The following KCNH8 variants were observed in gnomAD, a reference collection of about 807,000 sequenced individuals.
The protein encoded by KCNH8 is voltage-gated delayed rectifier potassium channel KCNH8.
In KCNH8, 70 loss-of-function variants were observed where a neutral mutation model predicts 103.6. The ratio of observed to expected loss-of-function variants is 0.68; its 90% CI spans 0.56 to 0.82. The LOEUF (loss-of-function observed/expected upper bound fraction) is 0.82. Among genes scored for constraint, KCNH8 ranks in the 40% least tolerant of loss-of-function variants. KCNH8 has a pLI of 0.00. For missense variants in KCNH8, 1,217 were observed against 1,329.9 expected (o/e 0.92, Z 1.32); for synonymous variants, 498 against 489.4 (o/e 1.02, Z -0.23).
intron 11 of KCNH8, among the ~76,000 whole-genome samples, chr3:19,471,251 C>T (rs1290895856): frequency 6.6e-6 from 1 of 152,184 alleles, no homozygotes; most frequent in East Asian, 1.9e-4. Context: ...CATATGCACA[C>T]ACATACCCAC....
intron 11 of KCNH8, among the ~76,000 whole-genome samples, chr3:19,503,866 C>T (rs2068639968): frequency 6.6e-6 from 1 of 151,912 alleles, no homozygotes; most frequent in South Asian, 2.1e-4. Context: ...CAGCATGGCA[C>T]ACGTATACAT....
chr3:19,224,325 A>G (rs2063906200), intron 1 of KCNH8, among the ~76,000 whole-genome samples: 1 of 152,132 alleles, frequency 6.6e-6, no homozygotes, highest in African/African-American at 2.4e-5. Context: ...TGAAAATGTA[A>G]TCTATTAAAA....
At chr3:19,339,117 C>T (rs1165506883) in intron 3 of KCNH8, among the ~76,000 whole-genome samples, 1 of 152,018 alleles carries the variant, frequency 6.6e-6, no homozygotes, top group Admixed American at 6.6e-5. Flanking sequence ...TAAATATTTT[C>T]ACAGAAAACT....
At chr3:19,176,139 C>T (rs980925600) in intron 1 of KCNH8, among the ~76,000 whole-genome samples, 4 of 152,080 alleles carry the variant, frequency 2.6e-5, no homozygotes, top group African/African-American at 7.2e-5. Flanking sequence ...GTTCACCTCT[C>T]GTCCTTTAAT....
At chr3:19,463,105 A>C (rs771814775) in intron 11 of KCNH8, among the ~76,000 whole-genome samples, 8 of 152,172 alleles carry the variant, frequency 5.3e-5, no homozygotes, top group Non-Finnish European at 1.0e-4. Flanking sequence ...TAAGTAATCT[A>C]GAGATGATTT....
intron 1 of KCNH8, among the ~76,000 whole-genome samples, chr3:19,158,755 T>C (rs2063205316): frequency 6.6e-6 from 1 of 151,980 alleles, no homozygotes. Flanking sequence ...ATTAATTTTT[T>C]TAACCAGCCA....
chr3:19,390,061 G>A (rs2066414113), intron 5 of KCNH8, among the ~76,000 whole-genome samples: 1 of 152,062 alleles, frequency 6.6e-6, no homozygotes, highest in South Asian at 2.1e-4. Context: ...ATGTACTGAG[G>A]ATTAAGTGAA....
intron 11 of KCNH8, among the ~76,000 whole-genome samples, chr3:19,483,019 A>AT (rs2068120462): frequency 6.7e-6 from 1 of 150,280 alleles, no homozygotes; most frequent in Non-Finnish European, 1.5e-5. Flanking sequence ...ATATTGTATG[A>AT]TTTTTTTTCA....
chr3:19,419,064 T>TA (rs2066905094), intron 7 of KCNH8, among the ~76,000 whole-genome samples: 1 of 152,184 alleles, frequency 6.6e-6, no homozygotes, highest in Non-Finnish European at 1.5e-5. Context: ...TTATCTAAAC[T>TA]AGTTACACAT....
In KCNH8 at chr3:19,321,077, T is replaced by C. The variant is rs372277281; in HGVS notation, c.443-21510T>C. 2.6e-5 allele frequency among the ~76,000 whole-genome samples: 4 copies of C among 152,138 alleles called. No individual in the cohort carries two copies. In the South Asian group the frequency reaches 6.2e-4, roughly 24 times the overall value. Reference sequence around the variant, plus strand: ...GAGCTTATTTGGATCTTCTCTCTTCTTTTTGGCTTAATCTTGCTGATGGTC... The same window carrying C: ...GAGCTTATTTGGATCTTCTCTCTTCCTTTTGGCTTAATCTTGCTGATGGTC... On this transcript the variant is annotated intron_variant, in intron 3 of 15. Coordinates refer to ENST00000328405, the MANE Select transcript of KCNH8 (RefSeq NM_144633.3).
At chr3:19,449,224 G>A (rs2067406867) in intron 8 of KCNH8, among the ~76,000 whole-genome samples, 1 of 151,400 alleles carries the variant, frequency 6.6e-6, no homozygotes, top group African/African-American at 2.4e-5. Context: ...GGCTCAAAGG[G>A]CAGGCTTAGC....
intron 1 of KCNH8, among the ~76,000 whole-genome samples, chr3:19,229,775 A>C (rs2125237187): frequency 6.6e-6 from 1 of 152,230 alleles, no homozygotes; most frequent in South Asian, 2.1e-4. Flanking sequence ...GGAAGTTCCA[A>C]ATTTTCCCAC....
At chr3:19,493,959 A>G (rs2068380901) in intron 11 of KCNH8, among the ~76,000 whole-genome samples, 1 of 152,134 alleles carries the variant, frequency 6.6e-6, no homozygotes, top group Non-Finnish European at 1.5e-5. Flanking sequence ...GCCATGTACT[A>G]AGCCTAGTAT....
At chr3:19,201,312 A>T in intron 1 of KCNH8, among the ~76,000 whole-genome samples, 1 of 148,088 alleles carries the variant, frequency 6.8e-6, no homozygotes, top group Non-Finnish European at 1.5e-5. Context: ...CATTTTTAAC[A>T]CAACATGTTT....
intron 1 of KCNH8, among the ~76,000 whole-genome samples, chr3:19,205,542 A>G (rs2063706375): frequency 6.6e-6 from 1 of 151,980 alleles, no homozygotes; most frequent in Non-Finnish European, 1.5e-5. Flanking sequence ...CACTCAAGCA[A>G]GGGGGTATAG....
At chr3:19,268,855 A>G (rs908549270) in intron 2 of KCNH8, among the ~76,000 whole-genome samples, 4 of 152,142 alleles carry the variant, frequency 2.6e-5, no homozygotes, top group African/African-American at 9.6e-5. Context: ...GCCAGTGAAG[A>G]CTGAAGAGTG....
intron 14 of KCNH8, among the ~76,000 whole-genome samples, chr3:19,516,504 G>T (rs959626571): frequency 1.8e-4 from 27 of 152,130 alleles, no homozygotes; most frequent in African/African-American, 6.5e-4. Flanking sequence ...AAGGAGCAAA[G>T]AAATCATAGT....
chr3:19,407,410 C>G (rs1000706033), intron 7 of KCNH8, among the ~76,000 whole-genome samples: 1 of 152,024 alleles, frequency 6.6e-6, no homozygotes, highest in African/African-American at 2.4e-5. Flanking sequence ...CCTGCCTAGA[C>G]ATAGATTGTA....
At chr3:19,367,504 A>G (rs184069096) in intron 5 of KCNH8, among the ~76,000 whole-genome samples, 29 of 147,558 alleles carry the variant, frequency 2.0e-4, no homozygotes, top group African/African-American at 6.8e-4. Flanking sequence ...GAGCTCTCAG[A>G]GAACATGGAC....
Sources: gnomAD v4.1 joint callset for allele counts (sites outside exome capture counted in the v4.1 genomes callset) on GRCh38, gnomAD v4.1.1 for gene constraint, MANE v1.5 for transcripts, NCBI Gene and HGNC (gene_info 2026-07-23, HGNC 2026-07-21) for gene names.